Variants in FUT8 observed in about 807,000 individuals in gnomAD.
FUT8 encodes alpha-(1,6)-fucosyltransferase.
Under a neutral mutation model 71.3 loss-of-function variants are expected in FUT8, and 29 were observed. The observed-to-expected ratio is 0.41, with a 90% confidence interval of 0.30 to 0.55. The LOEUF (loss-of-function observed/expected upper bound fraction) is 0.55, where lower values mean the gene tolerates loss of function less well. FUT8 is among the 20% of genes least tolerant of loss of function. The pLI, the probability that FUT8 is intolerant of heterozygous loss-of-function variation, is 0.34. For synonymous variants in FUT8, 254 were observed against 239.3 expected (o/e 1.06, Z -0.57); for missense variants, 544 against 702.1 (o/e 0.77, Z 2.55).
chr14:65,388,974 A>G, the FUT8 span, among the ~76,000 whole-genome samples: 1 of 151,228 alleles, frequency 6.6e-6, no homozygotes, highest in Non-Finnish European at 1.5e-5. Flanking sequence ...TAAAATATAA[A>G]TGTATATATG....
chr14:65,494,202 G>T (rs2066524818), intron 2 of FUT8, among the ~76,000 whole-genome samples: 1 of 151,984 alleles, frequency 6.6e-6, no homozygotes, highest in Non-Finnish European at 1.5e-5. Context: ...ATTGGTTTCA[G>T]TTATTTAACG....
chr14:65,582,466 C>T lies in FUT8; in HGVS notation c.203+20700C>T, dbSNP rs74058523. On this transcript the variant is annotated intron_variant, in intron 3 of 10. Transcript: ENST00000673929. ...CAACCCACTATGCTTCATGTCTGTG[C>T]CTTTACACATTTTACTATTTTACTG... Among the ~76,000 whole-genome samples, 1,185 of 152,220 alleles carry T rather than the reference C, an allele frequency of 7.8e-3. 9 individuals carry two copies. Among genetic ancestry groups the T allele is most frequent in the African/African-American group, 0.024 (987 of 41,534 alleles).
intron 3 of FUT8, among the ~76,000 whole-genome samples, chr14:65,585,753 C>T (rs936338894): frequency 1.3e-5 from 2 of 152,160 alleles, no homozygotes; most frequent in Non-Finnish European, 2.9e-5. Context: ...TAGTTTCCTT[C>T]GGAAATATTG....
chr14:65,469,755 G>A (rs7150782), intron 2 of FUT8, among the ~76,000 whole-genome samples: 10,468 of 152,144 alleles, frequency 0.069, 416 homozygotes, highest in Admixed American at 0.11. Flanking sequence ...CAGCAGAGAC[G>A]ATAGCTCCTC....
chr14:65,651,203 A>G (rs1296111139), intron 6 of FUT8, among the ~76,000 whole-genome samples: 1 of 152,218 alleles, frequency 6.6e-6, no homozygotes, highest in Non-Finnish European at 1.5e-5. Flanking sequence ...GAGACTTAAA[A>G]AAATCTGTGT....
chr14:65,733,732 A>G (rs1273927706), intron 10 of FUT8, among the ~76,000 whole-genome samples: 1 of 152,062 alleles, frequency 6.6e-6, no homozygotes, highest in African/African-American at 2.4e-5. Flanking sequence ...ATATGTAACC[A>G]GAATCCATCC....
chr14:65,651,307 T>A (rs1248558937), intron 6 of FUT8, among the ~76,000 whole-genome samples: 1 of 152,256 alleles, frequency 6.6e-6, no homozygotes, highest in Non-Finnish European at 1.5e-5. Flanking sequence ...TGCTGTGTTA[T>A]ACCACCCAGG....
At chr14:65,531,696 C>T (rs902464613) in intron 2 of FUT8, among the ~76,000 whole-genome samples, 6 of 152,076 alleles carry the variant, frequency 3.9e-5, no homozygotes, top group African/African-American at 1.2e-4. Context: ...GGGGGTTTGA[C>T]ATACAGATTA....
chr14:65,715,012 A>C (rs1894981585), intron 7 of FUT8, among the ~76,000 whole-genome samples: 1 of 152,170 alleles, frequency 6.6e-6, no homozygotes, highest in Non-Finnish European at 1.5e-5. Context: ...GTAGTGTCAT[A>C]TCATGTGCAA....
At chr14:65,612,753 C>T (rs139017736) in intron 3 of FUT8, among the ~76,000 whole-genome samples, 1 of 152,302 alleles carries the variant, frequency 6.6e-6, no homozygotes, top group Admixed American at 6.5e-5. Flanking sequence ...TGTTTTCCTT[C>T]TCTGGTGATC....
chr14:65,489,755 T>C lies in FUT8; in HGVS notation c.-228+34037T>C, dbSNP rs1343233826. Among the ~76,000 whole-genome samples, 1 of 152,142 alleles carries C rather than the reference T, an allele frequency of 6.6e-6. No homozygotes were observed. Among genetic ancestry groups the C allele is most frequent in the South Asian group, 2.1e-4 (1 of 4,826 alleles). On this transcript the variant is annotated intron_variant, in intron 2 of 10. Transcript: ENST00000673929. This position sits in a 1 kb window ranked among gnomAD's most constrained non-coding sequence, Gnocchi z 4.0. ...TAAAAAGGATTCTATGTTTTGTTTA[T>C]TGGTATCACACACGTGTCATGTGGG...
chr14:65,555,911 A>G (rs1008596036), intron 2 of FUT8, among the ~76,000 whole-genome samples: 2 of 152,112 alleles, frequency 1.3e-5, no homozygotes, highest in Admixed American at 6.5e-5. Context: ...TATCTGTTAA[A>G]TCTCTTATTT....
the FUT8 span, among the ~76,000 whole-genome samples, chr14:65,378,837 GTTTTTT>G: frequency 3.0e-5 from 2 of 66,832 alleles, no homozygotes; most frequent in Non-Finnish European, 2.7e-5. Context: ...TCACAAGAAG[GTTTTTT>G]TTTTTTTTTT....
At chr14:65,598,303 A>C (rs1366134142) in intron 3 of FUT8, among the ~76,000 whole-genome samples, 1 of 151,924 alleles carries the variant, frequency 6.6e-6, no homozygotes, top group African/African-American at 2.4e-5. Flanking sequence ...GCTCACTGCA[A>C]CCTCTGCCAC....
chr14:65,453,625 G>A (rs927695181), intron 1 of FUT8, among the ~76,000 whole-genome samples: 2 of 152,158 alleles, frequency 1.3e-5, no homozygotes, highest in African/African-American at 2.4e-5. Context: ...ATGGCCTAGA[G>A]TGTAAAGAGA....
intron 7 of FUT8, among the ~76,000 whole-genome samples, chr14:65,699,075 C>G (rs1017075647): frequency 2.0e-5 from 3 of 151,624 alleles, no homozygotes; most frequent in Non-Finnish European, 4.4e-5. Flanking sequence ...CACAGCCCAT[C>G]TAATAGAATC....
chr14:65,688,978 C>G (rs1001085853), intron 7 of FUT8, among the ~76,000 whole-genome samples: 3 of 152,162 alleles, frequency 2.0e-5, no homozygotes, highest in Non-Finnish European at 4.4e-5. Context: ...CCTTCATTAT[C>G]TCATGTAACT....
chr14:65,739,976 G>A (rs1323492251), intron 10 of FUT8, among the ~76,000 whole-genome samples: 1 of 151,950 alleles, frequency 6.6e-6, no homozygotes, highest in East Asian at 1.9e-4. Flanking sequence ...GTAAATATTA[G>A]CCTCTGTCAT....
At position 65,420,707 on chromosome 14, in the gene FUT8, A is replaced by C. The variant is rs1302689012; in HGVS notation, c.-326+7493A>C. Among the ~76,000 whole-genome samples the C allele has an allele frequency of 2.0e-5, 3 of 152,134 alleles. No individual in the cohort carries two copies. The East Asian group carries it at 5.8e-4, about 29-fold the overall frequency. On this transcript the variant is annotated intron_variant, in intron 1 of 10. Transcript: ENST00000673929. The stretch of plus-strand genomic sequence containing the variant: ...CAGCACGTATAGTTCACCCTTGAAC[A>C]GCACTGGGTTTGGGGCACAGACCCC...
Sources: gnomAD v4.1 joint callset for allele counts (sites outside exome capture counted in the v4.1 genomes callset) on GRCh38, gnomAD v4.1.1 for gene constraint, Gnocchi (gnomAD v3.1) non-coding constraint, MANE v1.5 for transcripts, NCBI Gene and HGNC (gene_info 2026-07-23, HGNC 2026-07-21) for gene names.